DST: variants seen among roughly 807,000 people sequenced by gnomAD.
DST encodes the protein bullous pemphigoid antigen.
A neutral mutation model predicts 875.2 loss-of-function variants in DST; 253 were observed. That is an observed-to-expected ratio of 0.29 (90% CI 0.26 to 0.32). DST has a LOEUF of 0.32. Ranked by LOEUF, DST falls within the 10% of genes least tolerant of loss-of-function variation. The pLI is 1.00. For synonymous variants in DST, 3,124 were observed against 3,197.1 expected (o/e 0.98, Z 0.77); for missense variants, 8,287 against 9,111.6 (o/e 0.91, Z 3.68).
intron 98 of DST, among the ~76,000 whole-genome samples, chr6:56,468,616 C>T (rs2094711779): frequency 6.6e-6 from 1 of 152,124 alleles, no homozygotes; most frequent in Non-Finnish European, 1.5e-5. Flanking sequence ...CAGTTAAACA[C>T]CAATGAGCCT....
rs765317346 is a variant in DST at position 56,640,363 on chromosome 6, C to A, written c.2270G>T (p.Arg757Leu). ...TSGLSSGMTS[R>L]LTPSVTPAYT... ...AGCTGGAGTGACAGATGGAGTCAGG[C>A]GGGAAGTCATCCCTGATGACAGGCC... is the stretch of plus-strand genomic sequence containing the variant. The change falls in exon 18 of 104, where the codon CGC becomes CTC. Residue 757 changes from arginine (R) to leucine (L), a missense_variant. Physicochemically the swap from Arg to Leu is moderately radical, Grantham distance 102 (BLOSUM62 -2). This residue lies in a region of DST where 1,160 missense variants were observed against 1,424.3 expected (regional missense o/e 0.81). Coordinates refer to ENST00000680361, the MANE Select transcript of DST (RefSeq NM_001374736.1). 16 of 1,613,984 alleles carry A rather than the reference C, an allele frequency of 9.9e-6. No homozygotes were observed. Among genetic ancestry groups the A allele is most frequent in the Admixed American group, 1.7e-5 (1 of 59,998 alleles).
intron 4 of DST, among the ~76,000 whole-genome samples, chr6:56,780,575 CTGTT>C (rs2099691170): frequency 1.3e-5 from 2 of 151,882 alleles, no homozygotes; most frequent in Admixed American, 1.3e-4. Context: ...ATGGGGTTGT[CTGTT>C]TTTTTCCTGT....
At chr6:56,466,053 G>T in intron 99 of DST, 25 bp downstream of exon 99, 1 of 1,512,082 alleles carries the variant, frequency 6.6e-7, no homozygotes, top group Non-Finnish European at 9.1e-7. Flanking sequence ...CTTTCATGAT[G>T]TTATCATGAT....
chr6:56,801,961 GCTGGT>G (rs895773081), intron 4 of DST, among the ~76,000 whole-genome samples: 2 of 151,930 alleles, frequency 1.3e-5, no homozygotes, highest in Non-Finnish European at 2.9e-5. Context: ...TGTTGGCCAG[GCTGGT>G]CTTGAATGCC....
chr6:56,716,613 A>ATCC (rs2099395514), intron 5 of DST, among the ~76,000 whole-genome samples: 1 of 152,206 alleles, frequency 6.6e-6, no homozygotes, highest in Non-Finnish European at 1.5e-5. Context: ...TACTCATGAA[A>ATCC]CTGCCTTTGT....
In DST at chr6:56,670,069, G is replaced by C. The variant is rs150899301; in HGVS notation, c.1214+572C>G. On this transcript the variant is annotated intron_variant, in intron 10 of 103. Coordinates refer to ENST00000680361, the MANE Select transcript of DST (RefSeq NM_001374736.1). The stretch of plus-strand genomic sequence containing the variant: ...TTCTTTAGAGGCAAAATCAAAGTCT[G>C]CTATCTGCGAAGTTACTGACAACAT... Among the ~76,000 whole-genome samples, 4 of 151,922 alleles carry C rather than the reference G, an allele frequency of 2.6e-5. No individual in the cohort carries two copies. In the East Asian group the frequency reaches 7.7e-4, roughly 29 times the overall value.
intron 103 of DST, among the ~76,000 whole-genome samples, chr6:56,459,802 G>C (rs1478092996): frequency 6.6e-6 from 1 of 152,186 alleles, no homozygotes; most frequent in African/African-American, 2.4e-5. Context: ...GCTCAGTGTG[G>C]CTGGGTTCTT....
chr6:56,580,383 C>CA (rs1182595088), intron 49 of DST, among the ~76,000 whole-genome samples: 7 of 150,286 alleles, frequency 4.7e-5, no homozygotes, highest in Non-Finnish European at 7.4e-5. Context: ...CTTGTCTTTA[C>CA]AAAAAAAAAT....
intron 90 of DST, 102 bp downstream of exon 90, chr6:56,481,948 A>C: frequency 1.5e-6 from 2 of 1,323,992 alleles, no homozygotes; most frequent in African/African-American, 1.4e-5. Context: ...AGTATTTCTC[A>C]GGAAGGAAAA....
chr6:56,621,963 G>C (rs1418149019), intron 36 of DST, among the ~76,000 whole-genome samples: 1 of 152,008 alleles, frequency 6.6e-6, no homozygotes, highest in African/African-American at 2.4e-5. Flanking sequence ...CCTAAATAAG[G>C]TTTCTAATAA....
At position 56,871,125 on chromosome 6, in the gene DST, T is replaced by C. The variant is rs544523066; in HGVS notation, c.418-19521A>G. ...TGGCTAATAAACATACAAAAAGATA[T>C]AAACATATGAAAAAATGTGTGGGGC... On this transcript the variant is annotated intron_variant, in intron 3 of 103. Transcript: ENST00000680361. 5.0e-6 allele frequency: 3 copies of C among 603,944 alleles called. No homozygotes were observed. The East Asian group carries it at 8.5e-5, about 17-fold the overall frequency. 37.4% of individuals were successfully genotyped at this position (603,944 alleles called of 1,614,324 possible).
At chr6:56,570,072 A>C (rs1585157734) in intron 53 of DST, 60 bp from the exon 54 acceptor site, 3 of 1,206,362 alleles carry the variant, frequency 2.5e-6, no homozygotes, top group Non-Finnish European at 3.5e-6. Flanking sequence ...ATAAATTATT[A>C]TTCTCATGTC....
At chr6:56,616,183 TGTAA>T (rs2098616866) in intron 36 of DST, 1 of 1,614,114 alleles carries the variant, frequency 6.2e-7, no homozygotes, top group African/African-American at 1.3e-5. Context: ...CAGCAAGTTC[TGTAA>T]GTGTGATGAG....
chr6:56,464,392 G>A, intron 100 of DST: 2 of 416,936 alleles, frequency 4.8e-6, no homozygotes, highest in Non-Finnish European at 8.5e-6. Context: ...CTGTGAGGTA[G>A]TCAGTGATGC....
chr6:56,624,390 T>C (rs1271017921), intron 36 of DST, 140 bp downstream of exon 36: 3 of 708,766 alleles, frequency 4.2e-6, no homozygotes, highest in African/African-American at 3.5e-5. Flanking sequence ...TGTAATTTTA[T>C]AATTCAATAT....
At chr6:56,815,583 G>A (rs2099765562) in intron 4 of DST, among the ~76,000 whole-genome samples, 1 of 152,142 alleles carries the variant, frequency 6.6e-6, no homozygotes, top group African/African-American at 2.4e-5. Context: ...GCCCTTTAAA[G>A]ATGATCCTCA....
At position 56,494,056 on chromosome 6, in the gene DST, A is replaced by G; in HGVS notation, c.20348T>C (p.Leu6783Ser). 6.2e-7 allele frequency: 1 copy of G among 1,603,494 alleles called. No homozygotes were observed. Among genetic ancestry groups the G allele is most frequent in the South Asian group, 1.1e-5 (1 of 88,722 alleles). Residue 6783 changes from leucine to serine, a missense_variant, in exon 83 of 104, where the codon TTG (leucine) becomes TCG (serine). Leu to Ser is a moderately radical substitution (Grantham distance 145, BLOSUM62 -2). This residue lies in a region of DST where 1,292 missense variants were observed against 1,552.7 expected (regional missense o/e 0.83). Coordinates refer to ENST00000680361, the MANE Select transcript of DST (RefSeq NM_001374736.1). ...ETNIDQDINNLKEKWESVETK... is the reference protein window; with the variant it reads ...ETNIDQDINNSKEKWESVETK... ...TTCCACCGATTCCCATTTTTCTTTC[A>G]AGTTATTTATGTCTTGGTCAATATT...
chr6:56,739,676 T>A (rs930795340), intron 4 of DST, among the ~76,000 whole-genome samples: 2 of 152,152 alleles, frequency 1.3e-5, no homozygotes, highest in African/African-American at 4.8e-5. Context: ...GCAGTAAAGA[T>A]GCTGACTAAA....
chr6:56,466,023 T>C (rs1003001591), intron 99 of DST, 55 bp downstream of exon 99: 5 of 1,383,658 alleles, frequency 3.6e-6, no homozygotes, highest in Non-Finnish European at 5.0e-6. Flanking sequence ...TGGTGCTGGA[T>C]ATAATATAAA....
Sources: gnomAD v4.1 joint callset for allele counts (sites outside exome capture counted in the v4.1 genomes callset) on GRCh38, gnomAD v4.1.1 for gene constraint, gnomAD v4.1.1 regional missense constraint, MANE v1.5 for transcripts, NCBI Gene and HGNC (gene_info 2026-07-23, HGNC 2026-07-21) for gene names.